Variants in MARK3 observed in about 807,000 individuals in gnomAD.
MARK3 encodes microtubule affinity regulating kinase 3, also known as MAP/microtubule affinity-regulating kinase 3.
A neutral mutation model predicts 90.1 loss-of-function variants in MARK3; 46 were observed. That is an observed-to-expected ratio of 0.51 (90% CI 0.40 to 0.65). The LOEUF (loss-of-function observed/expected upper bound fraction) is 0.65. Among genes scored for constraint, MARK3 ranks in the 30% least tolerant of loss-of-function variants. The probability of loss-of-function intolerance (pLI) is 0.00; values close to 1 mark genes in which losing one functional copy is unlikely to be tolerated. For missense variants in MARK3, 818 were observed against 947.2 expected, an observed-to-expected ratio of 0.86 and a Z score of 1.79; for synonymous variants, 321 against 332.6, an observed-to-expected ratio of 0.97 and a Z score of 0.38.
At chr14:103,487,615 T>G (rs1474645265) in intron 14 of MARK3, among the ~76,000 whole-genome samples, 2 of 152,144 alleles carry the variant, frequency 1.3e-5, no homozygotes, top group African/African-American at 4.8e-5. Context: ...CCTGCTTTTC[T>G]TGGCACATCT....
intron 2 of MARK3, among the ~76,000 whole-genome samples, chr14:103,408,120 C>T (rs2091424123): frequency 6.6e-6 from 1 of 152,116 alleles, no homozygotes; most frequent in Admixed American, 6.5e-5. Context: ...GAACTTAACA[C>T]AGTGCTTGGA....
intron 2 of MARK3, among the ~76,000 whole-genome samples, chr14:103,410,679 G>C (rs1443891038): frequency 1.3e-5 from 2 of 152,032 alleles, no homozygotes; most frequent in East Asian, 3.9e-4. Flanking sequence ...TCCAGCCGGG[G>C]CAACAGAGGA....
chr14:103,433,464 C>T (rs1186073082), intron 3 of MARK3, among the ~76,000 whole-genome samples: 5 of 150,206 alleles, frequency 3.3e-5, no homozygotes, highest in East Asian at 2.1e-4. Flanking sequence ...GAGGCCGAGG[C>T]GGGTGGATCA....
intron 13 of MARK3, among the ~76,000 whole-genome samples, chr14:103,477,136 G>GGTCT (rs760657432): frequency 6.6e-6 from 1 of 152,134 alleles, no homozygotes. Context: ...CTCTGTAGAT[G>GGTCT]GTCTGCTCAA....
chr14:103,445,222 G>A (rs567808118), intron 3 of MARK3, among the ~76,000 whole-genome samples: 19 of 152,206 alleles, frequency 1.2e-4, no homozygotes, highest in Non-Finnish European at 2.2e-4. Flanking sequence ...TGTCTCAGTC[G>A]TCTGTCTCTG....
chr14:103,479,628 C>CCT (rs2093781087), intron 13 of MARK3, among the ~76,000 whole-genome samples: 1 of 78,238 alleles, frequency 1.3e-5, no homozygotes, highest in African/African-American at 5.3e-5. Flanking sequence ...ATACGTATAG[C>CCT]TTTTTTTTTT....
At chr14:103,420,509 G>A (rs1024760223) in intron 2 of MARK3, among the ~76,000 whole-genome samples, 1 of 152,134 alleles carries the variant, frequency 6.6e-6, no homozygotes, top group Non-Finnish European at 1.5e-5. Flanking sequence ...GGGATTAAAG[G>A]GATGAGCCAC....
rs954471715 is a variant in MARK3, at chr14:103,387,482, A to G, written c.51+1402A>G. Among the ~76,000 whole-genome samples the G allele has an allele frequency of 1.4e-4, 21 of 149,596 alleles. 1 individual carries two copies. The highest frequency in any genetic ancestry group is 3.4e-3 in the Middle Eastern group (1 of 292). On this transcript the variant is annotated intron_variant, in intron 1 of 17. Transcript: ENST00000429436. Reference sequence around the variant, plus strand: ...TTAAAGAAACCTTATTTATTTGTTTATTTATTTATTTATTTACTTATTTAT... The same window carrying G: ...TTAAAGAAACCTTATTTATTTGTTTGTTTATTTATTTATTTACTTATTTAT...
chr14:103,478,282 G>A (rs368862175), intron 13 of MARK3, among the ~76,000 whole-genome samples: 3 of 144,246 alleles, frequency 2.1e-5, no homozygotes, highest in African/African-American at 5.1e-5. Context: ...GCGAAAAAGC[G>A]AGGCTCCATC....
intron 4 of MARK3, among the ~76,000 whole-genome samples, chr14:103,451,599 G>A (rs975460318): frequency 6.6e-6 from 1 of 152,228 alleles, no homozygotes; most frequent in African/African-American, 2.4e-5. Flanking sequence ...TGGGAGGGCA[G>A]CTAGCCAACA....
At chr14:103,468,930 T>C (rs143711022) in intron 12 of MARK3, among the ~76,000 whole-genome samples, 43 of 152,018 alleles carry the variant, frequency 2.8e-4, no homozygotes, top group African/African-American at 9.6e-4. Context: ...TGCCCAGCGC[T>C]AGAACTGGGC....
intron 3 of MARK3, among the ~76,000 whole-genome samples, chr14:103,437,407 A>G (rs2092742534): frequency 6.6e-6 from 1 of 152,076 alleles, no homozygotes; most frequent in African/African-American, 2.4e-5. Context: ...AAAAAAAAAT[A>G]CATTATAAAC....
chr14:103,468,259 T>C, intron 12 of MARK3, 73 bp downstream of exon 12: 1 of 1,261,906 alleles, frequency 7.9e-7, no homozygotes, highest in Non-Finnish European at 1.1e-6. Context: ...GGAAGCATTC[T>C]CTTGCTCAGA....
intron 14 of MARK3, chr14:103,491,198 C>G: frequency 1.0e-6 from 1 of 1,000,116 alleles, no homozygotes; most frequent in Non-Finnish European, 1.3e-6. Flanking sequence ...GATTTTGTTA[C>G]AGTTGTCCAC....
chr14:103,432,111 G>A (rs1020762751), intron 3 of MARK3, among the ~76,000 whole-genome samples: 1 of 151,994 alleles, frequency 6.6e-6, no homozygotes, highest in East Asian at 1.9e-4. Context: ...AGATATGGAT[G>A]TCTCCATCCA....
chr14:103,482,882 C>G (rs1394801882), intron 14 of MARK3, among the ~76,000 whole-genome samples: 1 of 152,196 alleles, frequency 6.6e-6, no homozygotes, highest in Non-Finnish European at 1.5e-5. Flanking sequence ...CGTTGCTTCT[C>G]TTAGCATCAG....
Position 103,441,113 on chromosome 14 carries a change from A to G in MARK3, c.298-7806A>G, listed in dbSNP as rs184693478. Among the ~76,000 whole-genome samples the G allele has an allele frequency of 6.3e-4, 96 of 152,124 alleles. 1 individual carries two copies. The highest frequency in any genetic ancestry group is 2.2e-3 in the African/African-American group (92 of 41,506). On this transcript the variant is annotated intron_variant, in intron 3 of 17. Coordinates refer to ENST00000429436, the MANE Select transcript of MARK3 (RefSeq NM_001128918.3). ...TTTTTCTTAGTTATTTTAGGATATC[A>G]TTATATATCATGGATACTATTATAT...
intron 1 of MARK3, among the ~76,000 whole-genome samples, chr14:103,394,225 A>T (rs2090442613): frequency 6.6e-6 from 1 of 152,232 alleles, no homozygotes. Flanking sequence ...CATTTGTCTC[A>T]TATCCATTTT....
chr14:103,447,836 C>T (rs956221645), intron 3 of MARK3, among the ~76,000 whole-genome samples: 10 of 151,986 alleles, frequency 6.6e-5, no homozygotes, highest in Admixed American at 4.6e-4. Flanking sequence ...AGTGCAGTGA[C>T]GCCATCAGCT....
Sources: gnomAD v4.1 joint callset for allele counts (sites outside exome capture counted in the v4.1 genomes callset) on GRCh38, gnomAD v4.1.1 for gene constraint, MANE v1.5 for transcripts, NCBI Gene and HGNC (gene_info 2026-07-23, HGNC 2026-07-21) for gene names.